ERMP1: variants seen among roughly 807,000 people sequenced by gnomAD.
The protein encoded by ERMP1 is endoplasmic reticulum metallopeptidase 1, also known as Felix-ina.
A neutral mutation model predicts 92.0 loss-of-function variants in ERMP1; 86 were observed. The ratio of observed to expected loss-of-function variants is 0.93; its 90% CI spans 0.79 to 1.12. ERMP1 has a LOEUF of 1.12. ERMP1 is among the 50% of genes most tolerant of loss of function. ERMP1 has a pLI of 0.00. For missense variants in ERMP1, 1,342 were observed against 1,116.3 expected, an observed-to-expected ratio of 1.20 and a Z score of -2.88; for synonymous variants, 530 against 412.8, an observed-to-expected ratio of 1.28 and a Z score of -3.44.
intron 10 of ERMP1, among the ~76,000 whole-genome samples, chr9:5,804,195 C>T (rs774743837): frequency 6.6e-6 from 1 of 152,094 alleles, no homozygotes; most frequent in Non-Finnish European, 1.5e-5. Flanking sequence ...CAAGGTGCAC[C>T]TCTGAGTGTT....
At chr9:5,827,876 G>A (rs1376314129) in intron 2 of ERMP1, among the ~76,000 whole-genome samples, 1 of 152,176 alleles carries the variant, frequency 6.6e-6, no homozygotes, top group African/African-American at 2.4e-5. Context: ...TACTCGGGAG[G>A]CTGAGGCAAG....
intron 6 of ERMP1, among the ~76,000 whole-genome samples, chr9:5,857,589 A>T (rs1264297678): frequency 6.6e-6 from 1 of 152,230 alleles, no homozygotes; most frequent in Non-Finnish European, 1.5e-5. Flanking sequence ...CTATTGGTAC[A>T]TCCCATTGAC....
At chr9:5,819,422 C>T (rs1232067203) in intron 4 of ERMP1, among the ~76,000 whole-genome samples, 1 of 152,194 alleles carries the variant, frequency 6.6e-6, no homozygotes, top group African/African-American at 2.4e-5. Flanking sequence ...AAAACCACAA[C>T]CTTGCATAAA....
intron 3 of ERMP1, among the ~76,000 whole-genome samples, chr9:5,824,230 A>G (rs1431093757): frequency 1.3e-5 from 2 of 152,204 alleles, no homozygotes; most frequent in African/African-American, 4.8e-5. Context: ...CCTGGTGACC[A>G]TCAGCGGTGC....
chr9:5,795,672 G>C (rs2131208648), intron 13 of ERMP1, among the ~76,000 whole-genome samples: 1 of 152,204 alleles, frequency 6.6e-6, no homozygotes, highest in African/African-American at 2.4e-5. Flanking sequence ...CAGCTACTTG[G>C]GAGGCTGAGG....
chr9:5,865,332 C>G (rs1261319003), intron 5 of ERMP1, among the ~76,000 whole-genome samples: 2 of 151,084 alleles, frequency 1.3e-5, no homozygotes, highest in African/African-American at 4.9e-5. Flanking sequence ...ACGGTGAAAC[C>G]CCGTCTCTAC....
upstream of ERMP1, among the ~76,000 whole-genome samples, chr9:5,836,540 G>A (rs567149874): frequency 7.9e-4 from 121 of 152,314 alleles, 1 homozygote; most frequent in Non-Finnish European, 1.2e-3. Flanking sequence ...GTGCTGTTGC[G>A]GATAGCTTGG....
At chr9:5,804,913 T>G (rs80141430) in intron 10 of ERMP1, 114 bp downstream of exon 10, 8 of 768,158 alleles carry the variant, frequency 1.0e-5, no homozygotes, top group Non-Finnish European at 1.7e-5. Context: ...CCATTTCTTC[T>G]GCTTCAGATT....
chr9:5,840,387 C>T (rs1830147420), intron 6 of ERMP1, among the ~76,000 whole-genome samples: 1 of 152,158 alleles, frequency 6.6e-6, no homozygotes. Flanking sequence ...AATGGTAAAT[C>T]ATGCCATAGC....
Position 5,833,056 on chromosome 9 carries a change from C to G in ERMP1, c.-29G>C, listed in dbSNP as rs1457923722. 3.5e-6 allele frequency: 5 copies of G among 1,428,942 alleles called. No homozygotes were observed. The African/African-American group carries it at 4.5e-5, about 13-fold the overall frequency. The allele number at this position is 1,428,942 out of a possible 1,614,324, so 88.5% of individuals were successfully genotyped here. On this transcript the variant is annotated 5_prime_UTR_variant, in exon 1 of 15. Coordinates refer to ENST00000339450, the MANE Select transcript of ERMP1 (RefSeq NM_024896.3). ...CACGAGCCTCAGCTGCCAGCCCAAC[C>G]GCCCCAACCCGCGACAGCCCCGGCC...
chr9:5,857,357 G>A (rs1830390221), intron 6 of ERMP1, among the ~76,000 whole-genome samples: 1 of 152,074 alleles, frequency 6.6e-6, no homozygotes. Context: ...AAATAAGAAG[G>A]CAGAGTCTGT....
chr9:5,812,138 G>A lies in ERMP1; in HGVS notation c.1101C>T (p.Ser367=), dbSNP rs752086895. Reference sequence around the variant, plus strand: ...TGGAATACCAACCTGCTCTCTGAATGGAATCTGTTAGAATTCTGTCCGCTG... The same window carrying A: ...TGGAATACCAACCTGCTCTCTGAATAGAATCTGTTAGAATTCTGTCCGCTG... ...YDTADRILTD[S]IQRAGDNILA... is the part of the protein sequence containing the mutation. The change falls in exon 6 of 15, where the codon TCC becomes TCT. Residue 367 remains serine, a synonymous_variant. Coordinates refer to ENST00000339450, the MANE Select transcript of ERMP1 (RefSeq NM_024896.3). 1.9e-6 allele frequency: 3 copies of A among 1,603,272 alleles called. No homozygotes were observed. The highest frequency in any genetic ancestry group is 2.6e-6 in the Non-Finnish European group (3 of 1,173,828).
intron 3 of ERMP1, among the ~76,000 whole-genome samples, chr9:5,824,515 GC>G (rs1829662401): frequency 6.6e-6 from 1 of 152,126 alleles, no homozygotes; most frequent in Non-Finnish European, 1.5e-5. Flanking sequence ...CGATTCTCCT[GC>G]CTCAACCTCC....
At chr9:5,866,946 C>T (rs1288927312) in intron 5 of ERMP1, among the ~76,000 whole-genome samples, 1 of 152,198 alleles carries the variant, frequency 6.6e-6, no homozygotes, top group Non-Finnish European at 1.5e-5. Flanking sequence ...TGGCTCATGC[C>T]TATAATCCCA....
intron 1 of ERMP1, among the ~76,000 whole-genome samples, chr9:5,832,087 A>T (rs1302486739): frequency 7.2e-6 from 1 of 139,000 alleles, no homozygotes; most frequent in East Asian, 2.0e-4. Context: ...AAAGGTCTTA[A>T]AAAAAAAAAA....
chr9:5,809,319 C>G (rs1428273638), intron 8 of ERMP1, among the ~76,000 whole-genome samples: 1 of 152,212 alleles, frequency 6.6e-6, no homozygotes, highest in Non-Finnish European at 1.5e-5. Flanking sequence ...CGCGCCCGGC[C>G]AGCCCTAATT....
chr9:5,812,722 A>G, intron 5 of ERMP1, 167 bp downstream of exon 5: 2 of 743,048 alleles, frequency 2.7e-6, no homozygotes, highest in Admixed American at 2.2e-5. Context: ...TTAAATTAGT[A>G]TGGAGTTTAA....
chr9:5,795,586 T>C (rs543795351), intron 13 of ERMP1, among the ~76,000 whole-genome samples: 3 of 152,310 alleles, frequency 2.0e-5, no homozygotes, highest in Middle Eastern at 3.4e-3. Flanking sequence ...GAGACCAGCC[T>C]GGCCAACGTG....
At chr9:5,861,197 G>GTGTGTGTGTA (rs1554630222) in intron 5 of ERMP1, among the ~76,000 whole-genome samples, 21 of 148,726 alleles carry the variant, frequency 1.4e-4, no homozygotes, top group South Asian at 2.2e-4. Context: ...GTGTGTGTGT[G>GTGTGTGTGTA]TGTGTGTGTG....
Sources: allele counts gnomAD v4.1 joint callset (sites outside exome capture counted in the v4.1 genomes callset), GRCh38; gene constraint gnomAD v4.1.1; transcripts MANE v1.5; gene names NCBI Gene and HGNC (gene_info 2026-07-23, HGNC 2026-07-21).